The following DVL1 variants were observed in gnomAD, a reference collection of about 807,000 sequenced individuals.
DVL1 encodes the protein dishevelled segment polarity protein 1.
Under a neutral mutation model 65.0 loss-of-function variants are expected in DVL1, and 49 were observed. The observed-to-expected ratio is 0.75, with a 90% confidence interval of 0.60 to 0.96. The LOEUF (loss-of-function observed/expected upper bound fraction) is 0.96. Among genes scored for constraint, DVL1 ranks in the 40% least tolerant of loss-of-function variants. DVL1 has a pLI of 0.00. For synonymous variants in DVL1, 608 were observed against 433.9 expected, an observed-to-expected ratio of 1.40 and a Z score of -4.99; for missense variants, 1,197 against 1,045.4, an observed-to-expected ratio of 1.15 and a Z score of -2.00.
Position 1,342,061 on chromosome 1 carries a change from C to A in DVL1, c.458G>T (p.Arg153Leu). ...AGACATGACCACTGTACCCTCCTCG[C>A]GGTTCCGGCGTCGGGCACGCTCCCG... ...HRRERARRRN[R>L]EEAARTNGHP... The change falls in exon 4 of 15, where the codon CGC (arginine) becomes CTC (leucine). Residue 153 changes from arginine to leucine, a missense_variant. Arg to Leu is a moderately radical substitution (Grantham distance 102). Coordinates refer to ENST00000378888, the MANE Select transcript of DVL1 (RefSeq NM_001330311.2). 6.3e-7 allele frequency: 1 copy of A among 1,578,902 alleles called. No individual in the cohort carries two copies. The highest frequency in any genetic ancestry group is 1.3e-5 in the African/African-American group (1 of 74,502).
chr1:1,348,809 G>A (rs1383423737), intron 1 of DVL1, 87 bp downstream of exon 1: 1 of 1,138,050 alleles, frequency 8.8e-7, no homozygotes, highest in Non-Finnish European at 1.1e-6. Flanking sequence ...GGGCGCGAAC[G>A]GCTCAGGACC....
chr1:1,339,040 C>T (rs761551551), intron 11 of DVL1, among the ~76,000 whole-genome samples: 1 of 152,164 alleles, frequency 6.6e-6, no homozygotes, highest in Non-Finnish European at 1.5e-5. Flanking sequence ...CTGCCTCTGA[C>T]GCCGTGGGTG....
At chr1:1,341,345 A>G (rs1461953681) in intron 5 of DVL1, among the ~76,000 whole-genome samples, 1 of 150,922 alleles carries the variant, frequency 6.6e-6, no homozygotes, top group Non-Finnish European at 1.5e-5. Flanking sequence ...AAACGTTTGC[A>G]CACAGGTACA....
At position 1,349,314 on chromosome 1, in the gene DVL1, G is replaced by A. The variant is rs2100783512; in HGVS notation, c.-249C>T. ...GCCCCCGGCCCGGGAGCGGCGCGAG[G>A]GACGCAGCACGGAGGGCGCGCTCAG... On this transcript the variant is annotated 5_prime_UTR_variant, in exon 1 of 15. Transcript: ENST00000378888. This position sits in a 1 kb window ranked among gnomAD's most constrained non-coding sequence, Gnocchi z 4.1. 6.9e-6 allele frequency: 1 copy of A among 145,196 alleles called. No homozygotes were observed. The highest frequency in any genetic ancestry group is 2.1e-4 in the South Asian group (1 of 4,822). 9.0% of individuals were successfully genotyped at this position (145,196 alleles called of 1,614,324 possible).
chr1:1,335,882 A>T lies in DVL1; in HGVS notation c.*260T>A. 1.8e-6 allele frequency: 1 copy of T among 569,496 alleles called. No individual in the cohort carries two copies. The highest frequency in any genetic ancestry group is 3.1e-5 in the East Asian group (1 of 32,772). 35.3% of individuals were successfully genotyped at this position (569,496 alleles called of 1,614,324 possible). ...GGGGGTCTTCCTCATCCCAGGAGGG[A>T]TCCCCACCAGACACAAGGGGTTGGG... On this transcript the variant is annotated 3_prime_UTR_variant, in exon 15 of 15. Transcript: ENST00000378888.
intron 1 of DVL1, among the ~76,000 whole-genome samples, chr1:1,343,782 G>A (rs1322914318): frequency 1.3e-5 from 2 of 152,220 alleles, no homozygotes; most frequent in East Asian, 1.9e-4. Flanking sequence ...CTCCTGTCCT[G>A]TCCACCTAGC....
At chr1:1,345,558 G>T (rs548693934) in intron 1 of DVL1, among the ~76,000 whole-genome samples, 1 of 152,152 alleles carries the variant, frequency 6.6e-6, no homozygotes, top group African/African-American at 2.4e-5. Flanking sequence ...CGCCCCTGCC[G>T]GCACTGTGCC....
At chr1:1,342,666 G>T in intron 2 of DVL1, 23 bp downstream of exon 2, 1 of 1,611,840 alleles carries the variant, frequency 6.2e-7, no homozygotes. Flanking sequence ...GCGAGCCTTC[G>T]GGGCCAAGAC....
chr1:1,345,081 G>C (rs1472820260), intron 1 of DVL1, among the ~76,000 whole-genome samples: 1 of 152,100 alleles, frequency 6.6e-6, no homozygotes, highest in Non-Finnish European at 1.5e-5. Context: ...GCACCCGCCT[G>C]GCTCCACCGG....
chr1:1,345,658 C>G (rs1035364989), intron 1 of DVL1, among the ~76,000 whole-genome samples: 1 of 152,174 alleles, frequency 6.6e-6, no homozygotes, highest in Non-Finnish European at 1.5e-5. Flanking sequence ...GAGGCAGCGC[C>G]CTGGGAGCCA....
At position 1,335,799 on chromosome 1, in the gene DVL1, A is replaced by G; in HGVS notation, c.*343T>C. ...CACCGCAGGGGGTTGCCCCGCATGG[A>G]CCACCCTGGGGGCCTGGGCACAGCT... On this transcript the variant is annotated 3_prime_UTR_variant, in exon 15 of 15. Transcript: ENST00000378888. 2.9e-6 allele frequency: 1 copy of G among 339,308 alleles called. No individual in the cohort carries two copies. Among genetic ancestry groups the G allele is most frequent in the South Asian group, 3.9e-5 (1 of 25,640 alleles). The allele number at this position is 339,308 out of a possible 1,614,324, so 21.0% of individuals were successfully genotyped here.
intron 1 of DVL1, among the ~76,000 whole-genome samples, chr1:1,343,915 A>G (rs1285207738): frequency 1.3e-5 from 2 of 152,016 alleles, no homozygotes; most frequent in Admixed American, 1.3e-4. Flanking sequence ...TCACCAGTCC[A>G]CCCCCAGGTC....
intron 1 of DVL1, among the ~76,000 whole-genome samples, chr1:1,347,698 G>C (rs1569749552): frequency 6.6e-6 from 1 of 152,248 alleles, no homozygotes; most frequent in South Asian, 2.1e-4. Flanking sequence ...GGACTGCAAG[G>C]TGCCCCAGCT....
rs932467296 is a variant in DVL1, at chr1:1,338,455, C to T, written c.1340-19G>A. 1 of 1,608,506 alleles carries T rather than the reference C, an allele frequency of 6.2e-7. No individual in the cohort carries two copies. Among genetic ancestry groups the T allele is most frequent in the South Asian group, 1.1e-5 (1 of 90,874 alleles). On this transcript the variant is annotated intron_variant, in intron 12 of 14. Coordinates refer to ENST00000378888, the MANE Select transcript of DVL1 (RefSeq NM_001330311.2). Reference sequence around the variant, plus strand: ...TCCGCCCCTGGCCGGCACCAGCGGTCAGCCCGCAGCCTCGAGGCAAGCAGC... The same window carrying T: ...TCCGCCCCTGGCCGGCACCAGCGGTTAGCCCGCAGCCTCGAGGCAAGCAGC...
intron 5 of DVL1, among the ~76,000 whole-genome samples, chr1:1,341,207 AC>A (rs1643810888): frequency 6.6e-6 from 1 of 150,934 alleles, no homozygotes; most frequent in Admixed American, 6.6e-5. Flanking sequence ...GCACACCTGC[AC>A]ACACGCACAC....
chr1:1,348,861 G>C, intron 1 of DVL1, 35 bp downstream of exon 1: 2 of 1,480,910 alleles, frequency 1.4e-6, no homozygotes, highest in Non-Finnish European at 1.8e-6. Context: ...CCCCGAGCCC[G>C]CGCCAGGCTC....
In DVL1 at chr1:1,342,348, C is replaced by G. The variant is rs1643862406; in HGVS notation, c.362+15G>C. On this transcript the variant is annotated intron_variant, in intron 3 of 14. Coordinates refer to ENST00000378888, the MANE Select transcript of DVL1 (RefSeq NM_001330311.2). ...GGCTTGGGGTAGCAGGGCCCAGCGC[C>G]CACGGTGTCCTTACTGGAAGGAGGG... is the stretch of plus-strand genomic sequence containing the variant. 6.4e-7 allele frequency: 1 copy of G among 1,562,038 alleles called. No homozygotes were observed. The highest frequency in any genetic ancestry group is 8.6e-7 in the Non-Finnish European group (1 of 1,156,104).
Position 1,342,124 on chromosome 1 carries a change from T to C in DVL1, c.395A>G (p.Asp132Gly). The C allele has an allele frequency of 6.3e-7, 1 of 1,588,576 alleles. No individual in the cohort carries two copies. The highest frequency in any genetic ancestry group is 1.1e-5 in the South Asian group (1 of 87,238). ...CATGGACTCCGTGCCTGTCTCGTTG[T>C]CCATCCCGTCACGGCTGCTGGCCAC... ...PNVASSRDGM[D>G]NETGTESMVS... The change falls in exon 4 of 15, where the codon GAC becomes GGC. Residue 132 changes from aspartate (D) to glycine (G), a missense_variant. Physicochemically the swap from Asp to Gly is moderately conservative, Grantham distance 94. Coordinates refer to ENST00000378888, the MANE Select transcript of DVL1 (RefSeq NM_001330311.2).
intron 5 of DVL1, 24 bp from the exon 6 acceptor site, chr1:1,340,527 A>G: frequency 6.3e-7 from 1 of 1,579,808 alleles, no homozygotes; most frequent in Non-Finnish European, 8.6e-7. Context: ...GTCAGAGCTC[A>G]GAGGAGCTGG....
Sources: allele counts gnomAD v4.1 joint callset (sites outside exome capture counted in the v4.1 genomes callset), GRCh38; gene constraint gnomAD v4.1.1; non-coding constraint Gnocchi (gnomAD v3.1); transcripts MANE v1.5; gene names NCBI Gene and HGNC (gene_info 2026-07-23, HGNC 2026-07-21).